Variants in GAREM1 observed in about 807,000 individuals in gnomAD.
The protein encoded by GAREM1 is GRB2 associated regulator of MAPK1 subtype 1, also known as GRB2-associated and regulator of MAPK protein 1.
A neutral mutation model predicts 71.3 loss-of-function variants in GAREM1; 26 were observed. The ratio of observed to expected loss-of-function variants is 0.36; its 90% CI spans 0.27 to 0.51. The LOEUF is 0.51. Ranked by LOEUF, GAREM1 falls within the 20% of genes least tolerant of loss-of-function variation. The probability of loss-of-function intolerance (pLI) is 0.95; values close to 1 mark genes in which losing one functional copy is unlikely to be tolerated. For missense variants in GAREM1, 1,026 were observed against 1,103.1 expected (o/e 0.93, Z 0.99); for synonymous variants, 440 against 433.2 (o/e 1.02, Z -0.20).
intron 2 of GAREM1, among the ~76,000 whole-genome samples, chr18:32,339,275 A>G (rs2047626684): frequency 1.3e-5 from 2 of 152,158 alleles, no homozygotes; most frequent in African/African-American, 4.8e-5. Flanking sequence ...TCCCTTGCTG[A>G]TATGAATGCC....
intron 2 of GAREM1, among the ~76,000 whole-genome samples, chr18:32,330,623 T>C (rs1287612366): frequency 6.6e-6 from 1 of 152,002 alleles, no homozygotes; most frequent in Non-Finnish European, 1.5e-5. Flanking sequence ...TTTAAAGTAT[T>C]TGTATACAAA....
intron 2 of GAREM1, among the ~76,000 whole-genome samples, chr18:32,340,240 T>C (rs1567970752): frequency 6.6e-6 from 1 of 152,188 alleles, no homozygotes; most frequent in Non-Finnish European, 1.5e-5. Context: ...CATGGCCTCT[T>C]AGAGATTCTT....
chr18:32,387,106 C>T (rs1261669740), intron 2 of GAREM1, among the ~76,000 whole-genome samples: 2 of 143,268 alleles, frequency 1.4e-5, no homozygotes, highest in African/African-American at 5.6e-5. Flanking sequence ...ACAAGGGCCC[C>T]GAGACACCAG....
At chr18:32,284,774 C>G (rs2046993558) in intron 4 of GAREM1, among the ~76,000 whole-genome samples, 2 of 133,306 alleles carry the variant, frequency 1.5e-5, no homozygotes, top group Non-Finnish European at 3.1e-5. Flanking sequence ...TTTTTTGAGA[C>G]AGTCTCGCTC....
chr18:32,359,091 GT>G (rs1436271816), intron 2 of GAREM1, among the ~76,000 whole-genome samples: 2 of 152,168 alleles, frequency 1.3e-5, no homozygotes, highest in East Asian at 3.9e-4. Context: ...TATGTGGTAG[GT>G]TTTGAAAAAA....
chr18:32,326,731 A>G (rs924577807), intron 2 of GAREM1, among the ~76,000 whole-genome samples: 3 of 152,072 alleles, frequency 2.0e-5, no homozygotes, highest in Non-Finnish European at 4.4e-5. Flanking sequence ...TCTTGCTCCC[A>G]TCTCCCAATA....
chr18:32,462,002 A>T (rs920773770), intron 1 of GAREM1, among the ~76,000 whole-genome samples: 3 of 152,242 alleles, frequency 2.0e-5, no homozygotes, highest in African/African-American at 7.2e-5. Flanking sequence ...CTCCCTCTTT[A>T]AACTATAATG....
At chr18:32,347,880 C>T (rs2047711598) in intron 2 of GAREM1, among the ~76,000 whole-genome samples, 1 of 152,072 alleles carries the variant, frequency 6.6e-6, no homozygotes, top group Admixed American at 6.6e-5. Flanking sequence ...GTGTCAGGTC[C>T]TTTTCTCGCT....
At position 32,335,403 on chromosome 18, in the gene GAREM1, G is replaced by A. The variant is rs1013584381; in HGVS notation, c.263-25080C>T. On this transcript the variant is annotated intron_variant, in intron 2 of 5. Transcript: ENST00000269209. Reference sequence around the variant, plus strand: ...TGCAAGTGAAGAGGGAATTACTCTCGTTAAAGGACACAGCTTGGGTCCTTA... The same window carrying A: ...TGCAAGTGAAGAGGGAATTACTCTCATTAAAGGACACAGCTTGGGTCCTTA... 5.3e-5 allele frequency among the ~76,000 whole-genome samples: 8 copies of A among 152,230 alleles called. No individual in the cohort carries two copies. The East Asian group carries it at 7.7e-4, about 15-fold the overall frequency.
chr18:32,310,198 C>T lies in GAREM1; in HGVS notation c.388G>A (p.Val130Met), dbSNP rs764815629. ...VYVMEDITFN[V>M]KVASGECNED... is the part of the protein sequence containing the mutation. ...GGTGCTTCAAGAGCTACTACCTTCA[C>T]GTTGAATGTGATATCCTCCATGACG... The change falls in exon 3 of 6, where the codon GTG (valine) becomes ATG (methionine). Residue 130 changes from valine to methionine, a missense_variant. Val to Met is a conservative substitution (Grantham distance 21). Transcript: ENST00000269209. 3.1e-6 allele frequency: 5 copies of T among 1,613,744 alleles called. No homozygotes were observed. Among genetic ancestry groups the T allele is most frequent in the East Asian group, 2.2e-5 (1 of 44,880 alleles).
chr18:32,459,846 T>C lies in GAREM1; in HGVS notation c.121+10462A>G, dbSNP rs117703271. On this transcript the variant is annotated intron_variant, in intron 1 of 5. Transcript: ENST00000269209. ...CAAAATGAGAATCAATCATGGAATA[T>C]AGCATCTGCACAGACAGCTGTCCTG... Among the ~76,000 whole-genome samples, 110 of 152,230 alleles carry C rather than the reference T, an allele frequency of 7.2e-4. 2 individuals carry two copies. The East Asian group carries it at 0.02, about 27-fold the overall frequency.
At chr18:32,372,052 T>C in intron 2 of GAREM1, among the ~76,000 whole-genome samples, 1 of 152,324 alleles carries the variant, frequency 6.6e-6, no homozygotes, top group East Asian at 1.9e-4. Flanking sequence ...TGAGTAGCTG[T>C]TAAATGTAGA....
At chr18:32,355,676 C>T (rs1371185729) in intron 2 of GAREM1, among the ~76,000 whole-genome samples, 2 of 152,050 alleles carry the variant, frequency 1.3e-5, no homozygotes, top group Non-Finnish European at 2.9e-5. Flanking sequence ...TTTCTAGTAC[C>T]TTGACACCAT....
intron 2 of GAREM1, among the ~76,000 whole-genome samples, chr18:32,327,986 T>C (rs1317273299): frequency 6.6e-6 from 1 of 152,218 alleles, no homozygotes; most frequent in Admixed American, 6.5e-5. Context: ...ATTAATAATA[T>C]GAATATTATT....
At position 32,400,600 on chromosome 18, in the gene GAREM1, C is replaced by A. The variant is rs369672077; in HGVS notation, c.122-7565G>T. Among the ~76,000 whole-genome samples the A allele has an allele frequency of 6.5e-4, 99 of 152,240 alleles. No individual in the cohort carries two copies. The East Asian group carries it at 0.014, about 21-fold the overall frequency. On this transcript the variant is annotated intron_variant, in intron 1 of 5. Coordinates refer to ENST00000269209, the MANE Select transcript of GAREM1 (RefSeq NM_001242409.2). ...GCTCATCATCACTGGCCATCAGAGA[C>A]ATGCAAATCAAAACCACAATAAGAT...
intron 1 of GAREM1, among the ~76,000 whole-genome samples, chr18:32,461,453 T>C (rs1464963501): frequency 6.6e-6 from 1 of 152,090 alleles, no homozygotes; most frequent in Non-Finnish European, 1.5e-5. Context: ...TCCAGCACTT[T>C]GGGAGGCCAA....
At chr18:32,442,452 T>C (rs1227755416) in intron 1 of GAREM1, among the ~76,000 whole-genome samples, 2 of 152,158 alleles carry the variant, frequency 1.3e-5, no homozygotes, top group African/African-American at 4.8e-5. Flanking sequence ...ACTTTTAAAT[T>C]TAAAACATGC....
At chr18:32,364,038 T>TTGTTTTTTTTTG (rs1298852686) in intron 2 of GAREM1, among the ~76,000 whole-genome samples, 1,632 of 51,246 alleles carry the variant, frequency 0.032, 50 homozygotes, top group Non-Finnish European at 0.051. Context: ...GTTTTTTTTT[T>TTGTTTTTTTTTG]TTTTTTTTTT....
chr18:32,264,823 T>C lies in GAREM1; in HGVS notation c.*3048A>G, dbSNP rs1029889846. The C allele has an allele frequency of 3.3e-5, 5 of 152,256 alleles. No homozygotes were observed. Among genetic ancestry groups the C allele is most frequent in the South Asian group, 4.1e-4 (2 of 4,836 alleles). The allele number at this position is 152,256 out of a possible 1,614,324, so 9.4% of individuals were successfully genotyped here. ...CATTTTAGTTGCTTGGCTTGGTTTA[T>C]TGCTGATTTTCTTTTCTGATGGGGG... On this transcript the variant is annotated 3_prime_UTR_variant, in exon 6 of 6. Transcript: ENST00000269209.
Sources: gnomAD v4.1 joint callset for allele counts (sites outside exome capture counted in the v4.1 genomes callset) on GRCh38, gnomAD v4.1.1 for gene constraint, MANE v1.5 for transcripts, NCBI Gene and HGNC (gene_info 2026-07-23, HGNC 2026-07-21) for gene names.